The following PLCXD3 variants were observed in gnomAD, a reference collection of about 807,000 sequenced individuals.
PLCXD3 encodes the protein phosphatidylinositol specific phospholipase C X domain containing 3.
In PLCXD3, 19 loss-of-function variants were observed where a neutral mutation model predicts 25.5. The observed-to-expected ratio is 0.75, with a 90% CI of 0.52 to 1.09. The LOEUF is 1.09. Among genes scored for constraint, PLCXD3 ranks in the 50% least tolerant of loss-of-function variants. The pLI, the probability that PLCXD3 is intolerant of heterozygous loss-of-function variation, is 0.00. For synonymous variants in PLCXD3, 174 were observed against 137.6 expected, an observed-to-expected ratio of 1.26 and a Z score of -1.85; for missense variants, 411 against 388.1, an observed-to-expected ratio of 1.06 and a Z score of -0.50.
chr5:41,398,146 G>A (rs1181586427), intron 1 of PLCXD3, among the ~76,000 whole-genome samples: 2 of 152,172 alleles, frequency 1.3e-5, no homozygotes, highest in South Asian at 2.1e-4. Context: ...GGGATCAGAA[G>A]CAGTATAATA....
At chr5:41,406,121 G>A (rs1746343480) in intron 1 of PLCXD3, among the ~76,000 whole-genome samples, 1 of 151,944 alleles carries the variant, frequency 6.6e-6, no homozygotes, top group African/African-American at 2.4e-5. Flanking sequence ...TTGAGACATG[G>A]ATCTTTCCTA....
At chr5:41,350,700 T>C (rs1004309193) in intron 2 of PLCXD3, among the ~76,000 whole-genome samples, 1 of 152,200 alleles carries the variant, frequency 6.6e-6, no homozygotes, top group African/African-American at 2.4e-5. Flanking sequence ...AGTGTCCACC[T>C]AGAAAATAGA....
chr5:41,317,025 G>A (rs1028726626), intron 2 of PLCXD3, among the ~76,000 whole-genome samples: 1 of 152,180 alleles, frequency 6.6e-6, no homozygotes, highest in African/African-American at 2.4e-5. Flanking sequence ...CAATAGCCAG[G>A]GACTGGTTAC....
At chr5:41,373,146 C>T (rs1471793581) in intron 2 of PLCXD3, among the ~76,000 whole-genome samples, 1 of 152,234 alleles carries the variant, frequency 6.6e-6, no homozygotes, top group East Asian at 1.9e-4. Flanking sequence ...CACTAAAAGA[C>T]TTTCTTTCCC....
At chr5:41,460,036 G>T (rs1311647797) in intron 1 of PLCXD3, among the ~76,000 whole-genome samples, 1 of 151,902 alleles carries the variant, frequency 6.6e-6, no homozygotes, top group African/African-American at 2.4e-5. Context: ...GCTATGCCTT[G>T]CAGAGAGAAA....
intron 2 of PLCXD3, among the ~76,000 whole-genome samples, chr5:41,345,962 C>T (rs924814471): frequency 6.6e-6 from 1 of 152,014 alleles, no homozygotes; most frequent in East Asian, 1.9e-4. Context: ...TCACTGCAAT[C>T]TCCACCTACT....
intron 1 of PLCXD3, among the ~76,000 whole-genome samples, chr5:41,476,737 A>G (rs1748292144): frequency 6.6e-6 from 1 of 152,180 alleles, no homozygotes; most frequent in Non-Finnish European, 1.5e-5. Flanking sequence ...TCCCCCTAGC[A>G]AACTGTTGAA....
At chr5:41,412,962 T>C (rs1413899963) in intron 1 of PLCXD3, among the ~76,000 whole-genome samples, 2 of 152,244 alleles carry the variant, frequency 1.3e-5, no homozygotes, top group African/African-American at 4.8e-5. Flanking sequence ...TCTATATTCC[T>C]ACTCATGTTT....
intron 1 of PLCXD3, 26 bp from the exon 2 acceptor site, chr5:41,382,560 G>A: frequency 1.3e-6 from 2 of 1,524,238 alleles, no homozygotes; most frequent in East Asian, 2.3e-5. Context: ...GGCATAGTGT[G>A]GTTAATTTCC....
intron 2 of PLCXD3, among the ~76,000 whole-genome samples, chr5:41,353,828 T>C (rs567268124): frequency 1.3e-5 from 2 of 152,346 alleles, no homozygotes; most frequent in African/African-American, 2.4e-5. Flanking sequence ...TGGGCTCCAG[T>C]AGTAACTTAT....
intron 1 of PLCXD3, among the ~76,000 whole-genome samples, chr5:41,428,395 T>TG (rs1747017712): frequency 6.9e-6 from 1 of 145,472 alleles, no homozygotes; most frequent in African/African-American, 2.5e-5. Flanking sequence ...TTTGTTTTTG[T>TG]TTTTTTTAGG....
chr5:41,434,666 T>C (rs1014885459), intron 1 of PLCXD3, among the ~76,000 whole-genome samples: 1 of 152,210 alleles, frequency 6.6e-6, no homozygotes, highest in African/African-American at 2.4e-5. Context: ...GGGGGAAGCT[T>C]GGAATGGGTT....
intron 1 of PLCXD3, among the ~76,000 whole-genome samples, chr5:41,480,018 A>G (rs1307750229): frequency 6.6e-6 from 1 of 152,202 alleles, no homozygotes; most frequent in Non-Finnish European, 1.5e-5. Context: ...CATTGTCTCA[A>G]AGTTTGGGAA....
intron 1 of PLCXD3, among the ~76,000 whole-genome samples, chr5:41,409,135 G>T (rs1394384033): frequency 3.9e-5 from 6 of 152,178 alleles, no homozygotes; most frequent in African/African-American, 1.2e-4. Context: ...CTAAGGGAAA[G>T]ATATGCTTTA....
intron 1 of PLCXD3, among the ~76,000 whole-genome samples, chr5:41,453,700 C>T (rs1382255559): frequency 6.6e-6 from 1 of 151,968 alleles, no homozygotes; most frequent in Non-Finnish European, 1.5e-5. Flanking sequence ...TATATTTCCT[C>T]AATGGAATTT....
At chr5:41,422,771 G>A (rs1339152986) in intron 1 of PLCXD3, among the ~76,000 whole-genome samples, 1 of 152,046 alleles carries the variant, frequency 6.6e-6, no homozygotes, top group Non-Finnish European at 1.5e-5. Context: ...TGCTATAAAA[G>A]TGGCATTTTT....
At chr5:41,473,583 G>A (rs1748217980) in intron 1 of PLCXD3, among the ~76,000 whole-genome samples, 1 of 151,922 alleles carries the variant, frequency 6.6e-6, no homozygotes, top group South Asian at 2.1e-4. Context: ...CCTGGGACTA[G>A]CTGGGACTAG....
At chr5:41,493,049 C>T (rs1748741031) in intron 1 of PLCXD3, among the ~76,000 whole-genome samples, 1 of 152,092 alleles carries the variant, frequency 6.6e-6, no homozygotes, top group South Asian at 2.1e-4. Context: ...TTTTTTTCCC[C>T]ATCTTTGTGG....
chr5:41,406,056 T>C (rs1746341545), intron 1 of PLCXD3, among the ~76,000 whole-genome samples: 1 of 152,092 alleles, frequency 6.6e-6, no homozygotes, highest in South Asian at 2.1e-4. Flanking sequence ...ACAGCCTTTC[T>C]GGAACATTTG....
Sources: gnomAD v4.1 joint callset for allele counts (sites outside exome capture counted in the v4.1 genomes callset) on GRCh38, gnomAD v4.1.1 for gene constraint, MANE v1.5 for transcripts, NCBI Gene and HGNC (gene_info 2026-07-23, HGNC 2026-07-21) for gene names.